SH2D1A: variants seen among roughly 807,000 people sequenced by gnomAD.
SH2D1A encodes SH2 domain containing 1A.
In SH2D1A, 6 loss-of-function variants were observed where a neutral mutation model predicts 10.1. The ratio of observed to expected loss-of-function variants is 0.60; its 90% CI spans 0.33 to 1.18. SH2D1A has a LOEUF of 1.18. SH2D1A is among the 50% of genes most tolerant of loss of function. SH2D1A has a pLI of 0.04. For missense variants in SH2D1A, 51 were observed against 97.6 expected (o/e 0.52, Z 2.01); for synonymous variants, 42 against 36.9 (o/e 1.14, Z -0.51).
At chrX:124,370,780 G>A (rs1235841259) in intron 3 of SH2D1A, among the ~76,000 whole-genome samples, 2 of 112,163 alleles carry the variant, frequency 1.8e-5, no homozygotes, top group Non-Finnish European at 3.8e-5. Context: ...AATTGGTGGT[G>A]CTTGAATTAA....
chrX:124,367,598 G>A (rs1760473059), intron 2 of SH2D1A: 2 of 112,076 alleles, frequency 1.8e-5, no homozygotes, highest in Non-Finnish European at 1.9e-5. Flanking sequence ...AGTTTGCCAT[G>A]CTGCAGGAAA....
At chrX:124,351,416 T>C (rs1476166460) in intron 1 of SH2D1A, among the ~76,000 whole-genome samples, 1 of 110,093 alleles carries the variant, frequency 9.1e-6, no homozygotes, top group Non-Finnish European at 1.9e-5. Flanking sequence ...TTCCTTAGAA[T>C]GAATTTCCAG....
At chrX:124,371,113 G>C (rs1208812594) in intron 3 of SH2D1A, among the ~76,000 whole-genome samples, 3 of 111,658 alleles carry the variant, frequency 2.7e-5, no homozygotes, top group Non-Finnish European at 5.6e-5. Context: ...TTAATGAATA[G>C]TTAGCCTTTA....
At chrX:124,347,723 G>A (rs2059997579) in intron 1 of SH2D1A, among the ~76,000 whole-genome samples, 1 of 110,810 alleles carries the variant, frequency 9.0e-6, no homozygotes, top group Non-Finnish European at 1.9e-5. Flanking sequence ...TTAGCACTGG[G>A]GCCTGACACC....
intron 1 of SH2D1A, among the ~76,000 whole-genome samples, chrX:124,356,441 GTTTATTTA>G (rs960746862): frequency 9.0e-6 from 1 of 111,609 alleles, no homozygotes. Flanking sequence ...GATTTTATTT[GTTTATTTA>G]TTTATTTATA....
intron 2 of SH2D1A, among the ~76,000 whole-genome samples, chrX:124,369,916 G>A (rs2060065296): frequency 1.8e-5 from 2 of 111,498 alleles, no homozygotes; most frequent in Non-Finnish European, 3.8e-5. Flanking sequence ...AGGAAGGGCA[G>A]GGCAATGAGC....
At chrX:124,347,539 G>C (rs990068026) in intron 1 of SH2D1A, among the ~76,000 whole-genome samples, 7 of 111,664 alleles carry the variant, frequency 6.3e-5, no homozygotes, top group Admixed American at 1.9e-4. Flanking sequence ...CTTTGCTCCA[G>C]GGCTCCGGAG....
intron 1 of SH2D1A, among the ~76,000 whole-genome samples, chrX:124,356,790 A>G (rs1306292707): frequency 1.8e-5 from 2 of 112,292 alleles, no homozygotes; most frequent in Non-Finnish European, 3.8e-5. Context: ...CACCTTTGAC[A>G]TAGAAAGTGT....
intron 1 of SH2D1A, chrX:124,364,284 A>C: frequency 5.1e-6 from 1 of 195,927 alleles, no homozygotes; most frequent in Non-Finnish European, 9.6e-6. Context: ...TTTGTGTTTT[A>C]GTTTTTAACA....
chrX:124,370,428 G>A (rs1323589868), intron 3 of SH2D1A, 108 bp downstream of exon 3: 2 of 639,872 alleles, frequency 3.1e-6, no homozygotes, highest in African/African-American at 4.4e-5. Flanking sequence ...AATGCAGTGA[G>A]AAAGTAGATG....
At chrX:124,362,630 A>G (rs1368352154) in intron 1 of SH2D1A, among the ~76,000 whole-genome samples, 1 of 111,522 alleles carries the variant, frequency 9.0e-6, no homozygotes, top group Admixed American at 9.6e-5. Flanking sequence ...TATTTAGATG[A>G]GACTTTGGAC....
chrX:124,365,349 T>C (rs1382307919), intron 1 of SH2D1A, among the ~76,000 whole-genome samples: 4 of 110,556 alleles, frequency 3.6e-5, no homozygotes, highest in Non-Finnish European at 7.6e-5. Context: ...TATGTGGGCC[T>C]GATAGTGTAT....
intron 1 of SH2D1A, among the ~76,000 whole-genome samples, chrX:124,365,493 A>G: frequency 9.0e-6 from 1 of 110,508 alleles, no homozygotes; most frequent in Non-Finnish European, 1.9e-5. Context: ...TTCTGTCCAA[A>G]TGGTCTCTCA....
In SH2D1A at chrX:124,370,294, C is replaced by T; in HGVS notation, c.320C>T (p.Ser107Leu). 1.7e-6 allele frequency: 2 copies of T among 1,205,009 alleles called. No homozygotes were observed. Among genetic ancestry groups the T allele is most frequent in the East Asian group, 3.0e-5 (1 of 33,823 alleles). ...CAGTATCCAGTTGAGAAGAAGTCCT[C>T]AGCTAGAAGTACACAAGGTACTACA... Reference protein sequence around the residue: ...PLQYPVEKKSSARSTQGTTGI... With the variant: ...PLQYPVEKKSLARSTQGTTGI... Residue 107 changes from serine (S) to leucine (L), a missense_variant, in exon 3 of 4, where the codon TCA becomes TTA. Ser to Leu is a moderately radical substitution (Grantham distance 145, BLOSUM62 -2). Transcript: ENST00000371139.
chrX:124,356,691 C>A (rs1475344916), intron 1 of SH2D1A, among the ~76,000 whole-genome samples: 1 of 111,959 alleles, frequency 8.9e-6, no homozygotes, highest in Non-Finnish European at 1.9e-5. Flanking sequence ...GAACTCCTGA[C>A]CTTGTGATCC....
intron 1 of SH2D1A, among the ~76,000 whole-genome samples, chrX:124,350,485 A>G (rs1369201057): frequency 5.2e-5 from 2 of 38,100 alleles, no homozygotes; most frequent in South Asian, 4.8e-3. Flanking sequence ...ATAAATATAT[A>G]TTATATACTA....
At position 124,371,969 on chromosome X, in the gene SH2D1A, A is replaced by G. The variant is rs1320000171; in HGVS notation, c.*578A>G. On this transcript the variant is annotated 3_prime_UTR_variant, in exon 4 of 4. Transcript: ENST00000371139. ...CTTGCCTAGTGTTCTGATATTGGAC[A>G]GTAAAATCCACAGACCAACCTGGAG... The G allele has an allele frequency of 6.3e-6, 1 of 158,224 alleles. No individual in the cohort carries two copies. The highest frequency in any genetic ancestry group is 1.2e-5 in the Non-Finnish European group (1 of 81,434). 13.0% of individuals were successfully genotyped at this position (158,224 alleles called of 1,213,427 possible).
Position 124,369,240 on chromosome X carries a change from TA to T in SH2D1A, c.202-926del, listed in dbSNP as rs375516110. ...CAGATGGAATAGCTGAAAAACAACT[TA>T]AAAAAAAAACTAGTCATTGTTCAAT... On this transcript the variant is annotated intron_variant, in intron 2 of 3. Coordinates refer to ENST00000371139, the MANE Select transcript of SH2D1A (RefSeq NM_002351.5). 3.5e-3 allele frequency among the ~76,000 whole-genome samples: 379 copies of T among 107,032 alleles called. 3 individuals are homozygous for T. The Middle Eastern group carries it at 0.038, about 11-fold the overall frequency. 92.9% of individuals were successfully genotyped at this position (107,032 alleles called of 115,157 possible). A position where few individuals can be genotyped will look rare whatever the true frequency, so the allele number is the denominator to read the frequency against.
At chrX:124,368,789 G>T (rs2060062236) in intron 2 of SH2D1A, among the ~76,000 whole-genome samples, 1 of 112,695 alleles carries the variant, frequency 8.9e-6, no homozygotes, top group Non-Finnish European at 1.9e-5. Flanking sequence ...ATGAAAAAGT[G>T]CACTGAGGAA....
Sources: allele counts gnomAD v4.1 joint callset (sites outside exome capture counted in the v4.1 genomes callset), GRCh38; gene constraint gnomAD v4.1.1; transcripts MANE v1.5; gene names NCBI Gene and HGNC (gene_info 2026-07-23, HGNC 2026-07-21).